Variants in APOOL observed in about 807,000 individuals in gnomAD.
APOOL encodes apolipoprotein O like.
A neutral mutation model predicts 23.1 loss-of-function variants in APOOL; 12 were observed. That is an observed-to-expected ratio of 0.52 (90% confidence interval 0.33 to 0.84). The LOEUF is 0.84. Among genes scored for constraint, APOOL ranks in the 40% least tolerant of loss-of-function variants. The probability of loss-of-function intolerance (pLI) is 0.02; values close to 1 mark genes in which losing one functional copy is unlikely to be tolerated. For synonymous variants in APOOL, 77 were observed against 69.9 expected (o/e 1.10, Z -0.51); for missense variants, 212 against 199.6 (o/e 1.06, Z -0.37).
chrX:85,060,470 A>T (rs1447773403), intron 5 of APOOL, among the ~76,000 whole-genome samples: 1 of 108,321 alleles, frequency 9.2e-6, no homozygotes, highest in African/African-American at 3.4e-5. Context: ...TACCTTGGGC[A>T]GTATGGCCAT....
At chrX:85,032,683 A>G (rs776568224) in intron 1 of APOOL, among the ~76,000 whole-genome samples, 2 of 111,793 alleles carry the variant, frequency 1.8e-5, no homozygotes, top group Non-Finnish European at 3.8e-5. Flanking sequence ...AATGATTAAT[A>G]TGTTCAGAAA....
chrX:85,076,843 G>T (rs1282970348), intron 8 of APOOL, among the ~76,000 whole-genome samples: 1 of 107,701 alleles, frequency 9.3e-6, no homozygotes, highest in South Asian at 4.1e-4. Context: ...TTAGAATTTG[G>T]TGTCATAGAC....
chrX:85,066,033 C>A (rs1429711572), intron 5 of APOOL, among the ~76,000 whole-genome samples: 2 of 111,332 alleles, frequency 1.8e-5, no homozygotes, highest in Non-Finnish European at 3.8e-5. Flanking sequence ...AATAGTTAAA[C>A]CAGACCGAGA....
intron 1 of APOOL, among the ~76,000 whole-genome samples, chrX:85,028,725 T>C (rs1474893895): frequency 1.5e-4 from 9 of 60,836 alleles, no homozygotes; most frequent in African/African-American, 4.0e-4. Flanking sequence ...ATCCTTCTAC[T>C]CCCTATGTCC....
chrX:85,054,456 T>C, intron 4 of APOOL, 58 bp downstream of exon 4: 6 of 1,026,192 alleles, frequency 5.8e-6, no homozygotes, highest in Non-Finnish European at 7.9e-6. Context: ...ATTGTTTAAA[T>C]GTGAGAAAAA....
intron 3 of APOOL, among the ~76,000 whole-genome samples, chrX:85,053,026 A>G (rs765110506): frequency 1.5e-4 from 17 of 111,544 alleles, no homozygotes; most frequent in African/African-American, 5.2e-4. Flanking sequence ...TTTTTTTCCT[A>G]ATTTTCCCCT....
At chrX:85,004,094 T>G (rs1236338146) in intron 1 of APOOL, among the ~76,000 whole-genome samples, 167 bp downstream of exon 1, 1 of 111,493 alleles carries the variant, frequency 9.0e-6, no homozygotes, top group Non-Finnish European at 1.9e-5. Context: ...GACACCTGCC[T>G]TTCCCCATTA....
chrX:85,032,885 T>G (rs1922091426), intron 1 of APOOL, among the ~76,000 whole-genome samples: 1 of 112,045 alleles, frequency 8.9e-6, no homozygotes, highest in Non-Finnish European at 1.9e-5. Context: ...ATGTACTACG[T>G]AACTCCCACC....
chrX:85,018,305 G>T (rs1239297993), intron 1 of APOOL, among the ~76,000 whole-genome samples: 1 of 111,873 alleles, frequency 8.9e-6, no homozygotes, highest in Non-Finnish European at 1.9e-5. Context: ...AGAAGACAAT[G>T]AGGAGCCAGT....
chrX:85,011,280 T>C (rs920255595), intron 1 of APOOL, among the ~76,000 whole-genome samples: 7 of 112,170 alleles, frequency 6.2e-5, no homozygotes, highest in African/African-American at 2.3e-4. Flanking sequence ...TTTCTCCCAC[T>C]CTGTTGGTTG....
At chrX:85,072,145 A>G (rs1026320634) in intron 6 of APOOL, among the ~76,000 whole-genome samples, 1 of 112,067 alleles carries the variant, frequency 8.9e-6, no homozygotes, top group Non-Finnish European at 1.9e-5. Context: ...CCTATAAATC[A>G]ATGAGCAAAA....
chrX:85,059,879 T>G (rs1923132670), intron 5 of APOOL, among the ~76,000 whole-genome samples: 1 of 110,399 alleles, frequency 9.1e-6, no homozygotes, highest in South Asian at 3.8e-4. Context: ...CTCTTTAGTT[T>G]AATTAGATCC....
At chrX:85,033,593 C>G (rs1237552767) in intron 1 of APOOL, among the ~76,000 whole-genome samples, 1 of 111,484 alleles carries the variant, frequency 9.0e-6, no homozygotes, top group African/African-American at 3.3e-5. Flanking sequence ...TTGGAGATTC[C>G]AGAATTTTAG....
At chrX:85,079,969 ATTC>A (rs1271665394) in intron 8 of APOOL, among the ~76,000 whole-genome samples, 1 of 110,238 alleles carries the variant, frequency 9.1e-6, no homozygotes, top group East Asian at 2.9e-4. Context: ...CATCTATTTG[ATTC>A]TTCTCTCTTT....
intron 5 of APOOL, among the ~76,000 whole-genome samples, chrX:85,059,428 T>C (rs751148887): frequency 9.0e-6 from 1 of 110,654 alleles, no homozygotes; most frequent in African/African-American, 3.3e-5. Flanking sequence ...GTATTTCTAG[T>C]TCTGTATCCC....
chrX:85,051,346 C>A lies in APOOL; in HGVS notation c.121-43C>A, dbSNP rs773403082. 5.0e-6 allele frequency: 6 copies of A among 1,201,157 alleles called. No homozygotes were observed. The Admixed American group carries it at 1.1e-4, about 22-fold the overall frequency. On this transcript the variant is annotated intron_variant, in intron 2 of 8. Transcript: ENST00000373173. ...CTGCCATACCGCTGTTATGGACAGT[C>A]CAGCTATTTTATGTTTTTGACATGA...
rs1489460529 is a variant in APOOL at position 85,088,384 on chromosome X, T to A, written c.*706T>A. ...GCTGGAATAAAATATCCATGTTTTATGGGACTTGAGCTTGGCTTTGTCCCT... is the reference window on the plus strand; with the variant it reads ...GCTGGAATAAAATATCCATGTTTTAAGGGACTTGAGCTTGGCTTTGTCCCT... On this transcript the variant is annotated 3_prime_UTR_variant, in exon 9 of 9. Coordinates refer to ENST00000373173, the MANE Select transcript of APOOL (RefSeq NM_198450.6). 1.1e-5 allele frequency: 1 copy of A among 94,555 alleles called. No homozygotes were observed. Among genetic ancestry groups the A allele is most frequent in the Non-Finnish European group, 2.1e-5 (1 of 47,724 alleles). The allele number at this position is 94,555 out of a possible 1,213,427, so 7.8% of individuals were successfully genotyped here.
At chrX:85,081,313 G>A (rs889726913) in intron 8 of APOOL, among the ~76,000 whole-genome samples, 3 of 111,455 alleles carry the variant, frequency 2.7e-5, no homozygotes, top group African/African-American at 9.8e-5. Flanking sequence ...GCATTTGCTT[G>A]TTTGTAAAGG....
At chrX:85,047,128 T>G (rs1320626977) in intron 2 of APOOL, among the ~76,000 whole-genome samples, 1 of 111,674 alleles carries the variant, frequency 9.0e-6, no homozygotes, top group Non-Finnish European at 1.9e-5. Context: ...TGGTACTGTA[T>G]CTCTTGCATT....
Sources: allele counts gnomAD v4.1 joint callset (sites outside exome capture counted in the v4.1 genomes callset), GRCh38; gene constraint gnomAD v4.1.1; transcripts MANE v1.5; gene names NCBI Gene and HGNC (gene_info 2026-07-23, HGNC 2026-07-21).